The following ZNF385B variants were observed in gnomAD, a reference collection of about 807,000 sequenced individuals.
ZNF385B encodes zinc finger protein 385B, also known as zinc finger protein 533.
In ZNF385B, 23 loss-of-function variants were observed where a neutral mutation model predicts 39.2. The observed-to-expected ratio is 0.59, with a 90% confidence interval of 0.42 to 0.83. ZNF385B has a LOEUF of 0.83. Among genes scored for constraint, ZNF385B ranks in the 40% least tolerant of loss-of-function variants. The pLI is 0.00. For synonymous variants in ZNF385B, 205 were observed against 222.6 expected (o/e 0.92, Z 0.70); for missense variants, 552 against 598.9 (o/e 0.92, Z 0.82).
chr2:179,773,377 C>A (rs972626695), intron 1 of ZNF385B, among the ~76,000 whole-genome samples: 1 of 152,172 alleles, frequency 6.6e-6, no homozygotes, highest in Non-Finnish European at 1.5e-5. Flanking sequence ...CCCCTAACAA[C>A]TTGGCTTGCA....
At chr2:179,591,350 T>G (rs1687547329) in intron 3 of ZNF385B, among the ~76,000 whole-genome samples, 2 of 152,146 alleles carry the variant, frequency 1.3e-5, no homozygotes, top group African/African-American at 4.8e-5. Context: ...GAACATGTCT[T>G]ACTTTGAATA....
chr2:179,822,220 T>C (rs941397568), intron 1 of ZNF385B, among the ~76,000 whole-genome samples: 4 of 152,332 alleles, frequency 2.6e-5, no homozygotes, highest in Non-Finnish European at 5.9e-5. Context: ...CCCTTAGAGG[T>C]AGATTGCCTG....
chr2:179,812,270 C>T (rs149877107), intron 1 of ZNF385B, among the ~76,000 whole-genome samples: 2 of 152,256 alleles, frequency 1.3e-5, no homozygotes, highest in African/African-American at 2.4e-5. Flanking sequence ...TACCGTTTAA[C>T]CCAGCAATCC....
intron 3 of ZNF385B, among the ~76,000 whole-genome samples, chr2:179,620,559 G>A (rs1255973057): frequency 6.6e-6 from 1 of 151,994 alleles, no homozygotes; most frequent in African/African-American, 2.4e-5. Context: ...TCTGAATCTA[G>A]TATCAGTTCC....
chr2:179,740,805 T>C (rs571691954), intron 3 of ZNF385B, among the ~76,000 whole-genome samples: 2 of 152,134 alleles, frequency 1.3e-5, no homozygotes, highest in Non-Finnish European at 2.9e-5. Flanking sequence ...AAGTAACGCA[T>C]AACACAATAA....
intron 3 of ZNF385B, among the ~76,000 whole-genome samples, chr2:179,742,252 T>C (rs975992895): frequency 6.6e-6 from 1 of 152,100 alleles, no homozygotes; most frequent in South Asian, 2.1e-4. Flanking sequence ...CCTAGGAGTT[T>C]TCAGGCATAA....
chr2:179,791,331 T>A (rs1705314551), intron 1 of ZNF385B, among the ~76,000 whole-genome samples: 1 of 152,242 alleles, frequency 6.6e-6, no homozygotes. Flanking sequence ...CACTGTCATT[T>A]GCAAAATCAT....
In ZNF385B at chr2:179,444,986, G is replaced by T. The variant is rs367571052; in HGVS notation, c.1141-9C>A. On this transcript the variant is annotated splice_polypyrimidine_tract_variant and intron_variant, in intron 8 of 9. Coordinates refer to ENST00000410066, the MANE Select transcript of ZNF385B (RefSeq NM_152520.6). ...CTTCGGCTAGAAATGTGCTGAAAAA[G>T]TTTGATGCATTAGCTGGACTGAAAT... The T allele has an allele frequency of 9.9e-6, 16 of 1,611,278 alleles. No homozygotes were observed. The highest frequency in any genetic ancestry group is 1.4e-5 in the Non-Finnish European group (16 of 1,177,544).
intron 5 of ZNF385B, among the ~76,000 whole-genome samples, chr2:179,485,771 G>T (rs1035230444): frequency 2.6e-5 from 4 of 152,094 alleles, no homozygotes; most frequent in Non-Finnish European, 5.9e-5. Context: ...TTGTAGGGCG[G>T]GAGGTGGCTG....
intron 3 of ZNF385B, among the ~76,000 whole-genome samples, chr2:179,570,637 G>A (rs1284409317): frequency 6.6e-6 from 1 of 152,152 alleles, no homozygotes; most frequent in Non-Finnish European, 1.5e-5. Context: ...ATTCTGAAGA[G>A]AGCCAGTTGT....
intron 3 of ZNF385B, among the ~76,000 whole-genome samples, chr2:179,685,879 C>T (rs1360645633): frequency 6.6e-6 from 1 of 152,138 alleles, no homozygotes; most frequent in African/African-American, 2.4e-5. Context: ...CTACACACAC[C>T]ATCACATATA....
At chr2:179,589,922 T>C (rs1280068488) in intron 3 of ZNF385B, among the ~76,000 whole-genome samples, 1 of 152,256 alleles carries the variant, frequency 6.6e-6, no homozygotes, top group Non-Finnish European at 1.5e-5. Context: ...GATCTAATTA[T>C]AGTCAGATAT....
chr2:179,482,729 T>G (rs1392231798), intron 6 of ZNF385B, among the ~76,000 whole-genome samples: 2 of 152,188 alleles, frequency 1.3e-5, no homozygotes, highest in African/African-American at 4.8e-5. Context: ...TCTGAAGATC[T>G]TCAAAAAGCA....
chr2:179,549,100 CATA>C (rs1247358420), intron 3 of ZNF385B, among the ~76,000 whole-genome samples: 2 of 149,258 alleles, frequency 1.3e-5, no homozygotes, highest in East Asian at 3.9e-4. Flanking sequence ...TTTCATCTGA[CATA>C]ATGTTTTTGA....
chr2:179,496,379 T>C (rs887445454), intron 5 of ZNF385B, among the ~76,000 whole-genome samples: 1 of 152,136 alleles, frequency 6.6e-6, no homozygotes, highest in African/African-American at 2.4e-5. Context: ...CTAAGAGTTA[T>C]TGGCCTTAAA....
chr2:179,607,369 G>T (rs941441633), intron 3 of ZNF385B, among the ~76,000 whole-genome samples: 2 of 152,090 alleles, frequency 1.3e-5, no homozygotes, highest in African/African-American at 4.8e-5. Flanking sequence ...GTTCTCATGA[G>T]ATCTGATGGT....
chr2:179,512,621 A>G (rs2057766656), intron 5 of ZNF385B, among the ~76,000 whole-genome samples: 1 of 152,206 alleles, frequency 6.6e-6, no homozygotes, highest in Non-Finnish European at 1.5e-5. Flanking sequence ...CAGTTGCAGT[A>G]TACTCAGTTA....
At position 179,450,743 on chromosome 2, in the gene ZNF385B, T is replaced by A. The variant is rs2050042212; in HGVS notation, c.716-3973A>T. ...AATACCATTTGACCCAGCCATCCTA[T>A]TACTGGGTATATACCCAAAGGATTA... On this transcript the variant is annotated intron_variant, in intron 6 of 9. Transcript: ENST00000410066. Among the ~76,000 whole-genome samples, 4 of 152,252 alleles carry A rather than the reference T, an allele frequency of 2.6e-5. No individual in the cohort carries two copies. The South Asian group carries it at 8.3e-4, about 32-fold the overall frequency.
chr2:179,508,012 A>T (rs2057380061), intron 5 of ZNF385B, among the ~76,000 whole-genome samples: 1 of 152,184 alleles, frequency 6.6e-6, no homozygotes, highest in Non-Finnish European at 1.5e-5. Flanking sequence ...GAAAGTAGCT[A>T]AAGGGTACCT....
Sources: allele counts gnomAD v4.1 joint callset (sites outside exome capture counted in the v4.1 genomes callset), GRCh38; gene constraint gnomAD v4.1.1; transcripts MANE v1.5; gene names NCBI Gene and HGNC (gene_info 2026-07-23, HGNC 2026-07-21).